CD163L1: variants seen among roughly 807,000 people sequenced by gnomAD.
The protein encoded by CD163L1 is scavenger receptor cysteine-rich type 1 protein M160.
Under a neutral mutation model 165.4 loss-of-function variants are expected in CD163L1, and 124 were observed. That is an observed-to-expected ratio of 0.75 (90% CI 0.65 to 0.87). The LOEUF is 0.87. Ranked by LOEUF, CD163L1 falls within the 40% of genes least tolerant of loss-of-function variation. CD163L1 has a pLI of 0.00. For synonymous variants in CD163L1, 585 were observed against 662.2 expected, an observed-to-expected ratio of 0.88 and a Z score of 1.79; for missense variants, 1,525 against 1,799.9, an observed-to-expected ratio of 0.85 and a Z score of 2.76.
In CD163L1 at chr12:7,373,307, GA is replaced by G. The variant is rs1361681865; in HGVS notation, c.3730+12del. 1.9e-6 allele frequency: 3 copies of G among 1,583,022 alleles called. No individual in the cohort carries two copies. The African/African-American group carries it at 4.0e-5, about 21-fold the overall frequency. ...GGGCTTCAGTGACAGCTGGTGTTTA[GA>G]AAGATACCCACCTTCACATGTGATC... On this transcript the variant is annotated intron_variant, in intron 14 of 19. Transcript: ENST00000313599.
chr12:7,405,342 G>A (rs981552268), intron 5 of CD163L1, among the ~76,000 whole-genome samples: 3 of 150,416 alleles, frequency 2.0e-5, no homozygotes, highest in Admixed American at 6.6e-5. Flanking sequence ...CCTAACTTTC[G>A]TCTACCTCTC....
In CD163L1 at chr12:7,405,563, G is replaced by A. The variant is rs78769981; in HGVS notation, c.1087+969C>T. 7.4e-3 allele frequency among the ~76,000 whole-genome samples: 1,119 copies of A among 152,182 alleles called. 21 individuals are homozygous for A. Among genetic ancestry groups the A allele is most frequent in the African/African-American group, 0.026 (1,074 of 41,522 alleles). Reference sequence around the variant, plus strand: ...AGGATGGCATAAATCCCGTGGCTAAGGTACAGCTAAACCCATAAACCTCTT... The same window carrying A: ...AGGATGGCATAAATCCCGTGGCTAAAGTACAGCTAAACCCATAAACCTCTT... On this transcript the variant is annotated intron_variant, in intron 5 of 19. Coordinates refer to ENST00000313599, the MANE Select transcript of CD163L1 (RefSeq NM_174941.6).
downstream of CD163L1, among the ~76,000 whole-genome samples, chr12:7,345,643 A>G (rs947680925): frequency 3.9e-5 from 6 of 152,232 alleles, no homozygotes; most frequent in African/African-American, 1.4e-4. Flanking sequence ...GCACCTTTAT[A>G]GCAATGCCCC....
Position 7,376,018 on chromosome 12 carries a change from T to C in CD163L1, c.2372-4A>G. The C allele has an allele frequency of 6.2e-7, 1 of 1,608,958 alleles. No homozygotes were observed. Among genetic ancestry groups the C allele is most frequent in the South Asian group, 1.1e-5 (1 of 90,448 alleles). ...ACCAGCCTGGGCTGCCTGTGGGCTATAAAATAATATTTCAAAGGTTAGTTT... is the reference window on the plus strand; with the variant it reads ...ACCAGCCTGGGCTGCCTGTGGGCTACAAAATAATATTTCAAAGGTTAGTTT... On this transcript the variant is annotated splice_polypyrimidine_tract_variant and splice_region_variant and intron_variant, in intron 9 of 19. Coordinates refer to ENST00000313599, the MANE Select transcript of CD163L1 (RefSeq NM_174941.6).
chr12:7,436,642 C>A (rs1239643214), intron 2 of CD163L1, among the ~76,000 whole-genome samples: 6 of 151,952 alleles, frequency 3.9e-5, no homozygotes, highest in African/African-American at 1.5e-4. Context: ...TATAGTGGCA[C>A]ACATCTGTAG....
At position 7,373,438 on chromosome 12, in the gene CD163L1, G is replaced by A. The variant is rs767456913; in HGVS notation, c.3612C>T (p.Phe1204=). The A allele has an allele frequency of 1.2e-5, 20 of 1,614,048 alleles. No individual in the cohort carries two copies. The highest frequency in any genetic ancestry group is 2.7e-5 in the African/African-American group (2 of 74,916). ...LAPLSKTGSG[F]MWVDDIQCPK... ...GACACTGAATGTCATCCACCCACAT[G>A]AAACCAGAGCCTGTCTTAGATAAAG... Residue 1204 remains phenylalanine (F), a synonymous_variant, in exon 14 of 20, where the codon TTC becomes TTT. Coordinates refer to ENST00000313599, the MANE Select transcript of CD163L1 (RefSeq NM_174941.6).
chr12:7,328,449 T>G, the CD163L1 span: 1 of 1,145,044 alleles, frequency 8.7e-7, no homozygotes, highest in Admixed American at 2.9e-5. Context: ...ATTCAGCGAC[T>G]ACTCTCTTAA....
At chr12:7,441,877 C>T (rs1243650935) in intron 1 of CD163L1, among the ~76,000 whole-genome samples, 1 of 152,134 alleles carries the variant, frequency 6.6e-6, no homozygotes, top group East Asian at 1.9e-4. Context: ...AGAATCTTGC[C>T]ACTTCCTCAC....
the CD163L1 span, among the ~76,000 whole-genome samples, chr12:7,331,270 G>T: frequency 3.9e-5 from 6 of 152,248 alleles, no homozygotes; most frequent in African/African-American, 1.4e-4. Flanking sequence ...GCTTGAGTAG[G>T]TAAACAAAGT....
At chr12:7,439,215 G>A in intron 2 of CD163L1, 2 of 1,579,200 alleles carry the variant, frequency 1.3e-6, no homozygotes, top group East Asian at 2.2e-5. Flanking sequence ...GATTCCACCT[G>A]GGATTCGACA....
At chr12:7,439,743 G>A (rs751368343) in intron 2 of CD163L1, 5 of 1,611,442 alleles carry the variant, frequency 3.1e-6, no homozygotes, top group Non-Finnish European at 4.2e-6. Flanking sequence ...CCGATGTATA[G>A]CCTTTCCAGC....
chr12:7,412,751 AC>A (rs1409070601), intron 4 of CD163L1, among the ~76,000 whole-genome samples: 1 of 152,092 alleles, frequency 6.6e-6, no homozygotes. Context: ...AATTTTAACA[AC>A]CATTTATGAG....
chr12:7,321,203 A>G, the CD163L1 span, among the ~76,000 whole-genome samples: 1 of 152,220 alleles, frequency 6.6e-6, no homozygotes, highest in Non-Finnish European at 1.5e-5. Context: ...CTCTAGTTCT[A>G]TTCTTTTAAA....
intron 4 of CD163L1, among the ~76,000 whole-genome samples, chr12:7,431,040 G>C (rs928164724): frequency 6.6e-6 from 1 of 152,154 alleles, no homozygotes; most frequent in African/African-American, 2.4e-5. Context: ...TCACTGGGGA[G>C]AGGTCGTTGC....
intron 2 of CD163L1, among the ~76,000 whole-genome samples, chr12:7,440,204 CG>C (rs1404636132): frequency 1.3e-5 from 2 of 152,166 alleles, no homozygotes; most frequent in African/African-American, 4.8e-5. Context: ...ACTTAACACT[CG>C]CGTCGGCCGC....
At chr12:7,326,258 C>T in the CD163L1 span, among the ~76,000 whole-genome samples, 1 of 152,046 alleles carries the variant, frequency 6.6e-6, no homozygotes, top group African/African-American at 2.4e-5. Context: ...GGTGGAGTGC[C>T]GTGGTGCAGT....
In CD163L1 at chr12:7,371,895, T is replaced by C. The variant is rs767518317; in HGVS notation, c.3730+1425A>G. 3.3e-5 allele frequency among the ~76,000 whole-genome samples: 5 copies of C among 152,048 alleles called. No individual in the cohort carries two copies. In the South Asian group the frequency reaches 6.2e-4, roughly 19 times the overall value. ...AATATATGAATATATATAAAATATATACACACATATGATACTCAAGAGTGT... is the reference window on the plus strand; with the variant it reads ...AATATATGAATATATATAAAATATACACACACATATGATACTCAAGAGTGT... On this transcript the variant is annotated intron_variant, in intron 14 of 19. Coordinates refer to ENST00000313599, the MANE Select transcript of CD163L1 (RefSeq NM_174941.6).
chr12:7,434,236 A>G (rs183579132), intron 2 of CD163L1, among the ~76,000 whole-genome samples: 1 of 152,336 alleles, frequency 6.6e-6, no homozygotes, highest in African/African-American at 2.4e-5. Context: ...CAGGAGGAGA[A>G]GACCTAGTCG....
intron 1 of CD163L1, among the ~76,000 whole-genome samples, chr12:7,441,973 C>T (rs942653129): frequency 6.6e-6 from 1 of 151,940 alleles, no homozygotes; most frequent in Non-Finnish European, 1.5e-5. Flanking sequence ...CTAAGATAGG[C>T]AGGAGCAATA....
Sources: allele counts gnomAD v4.1 joint callset (sites outside exome capture counted in the v4.1 genomes callset), GRCh38; gene constraint gnomAD v4.1.1; transcripts MANE v1.5; gene names NCBI Gene and HGNC (gene_info 2026-07-23, HGNC 2026-07-21).